The following ARHGAP18 variants were observed in gnomAD, a reference collection of about 807,000 sequenced individuals.
ARHGAP18 encodes the protein Rho GTPase activating protein 18.
In ARHGAP18, 67 loss-of-function variants were observed where a neutral mutation model predicts 86.2. The ratio of observed to expected loss-of-function variants is 0.78; its 90% confidence interval spans 0.64 to 0.95. ARHGAP18 has a LOEUF of 0.95. Ranked by LOEUF, ARHGAP18 falls within the 40% of genes least tolerant of loss-of-function variation. ARHGAP18 has a pLI of 0.00. For synonymous variants in ARHGAP18, 283 were observed against 280.4 expected, an observed-to-expected ratio of 1.01 and a Z score of -0.09; for missense variants, 691 against 780.4, an observed-to-expected ratio of 0.89 and a Z score of 1.37.
chr6:129,600,989 G>C, intron 10 of ARHGAP18, 141 bp from the exon 11 acceptor site: 1 of 706,270 alleles, frequency 1.4e-6, no homozygotes, highest in Non-Finnish European at 2.3e-6. Flanking sequence ...AGCAGGCCCT[G>C]TTACCAAAGC....
intron 2 of ARHGAP18, 62 bp downstream of exon 2, chr6:129,641,754 A>G (rs1773468825): frequency 3.5e-6 from 5 of 1,415,822 alleles, no homozygotes; most frequent in Non-Finnish European, 4.9e-6. Flanking sequence ...CTTCCTTTCT[A>G]TGCATTCATT....
chr6:129,627,910 C>T (rs59081459), intron 5 of ARHGAP18, among the ~76,000 whole-genome samples: 1,709 of 151,888 alleles, frequency 0.011, 20 homozygotes, highest in East Asian at 0.043. Context: ...TTTTAAAATC[C>T]CCTCTTTGTC....
intron 10 of ARHGAP18, among the ~76,000 whole-genome samples, chr6:129,601,538 GAA>G (rs1014635612): frequency 6.9e-6 from 1 of 145,376 alleles, no homozygotes; most frequent in Non-Finnish European, 1.5e-5. Context: ...AAAGAGAGAA[GAA>G]AAGAGAAAAG....
chr6:129,670,884 G>C (rs577602799), intron 1 of ARHGAP18, among the ~76,000 whole-genome samples: 4 of 152,082 alleles, frequency 2.6e-5, no homozygotes, highest in Non-Finnish European at 5.9e-5. Flanking sequence ...CCTTCCTGGA[G>C]TCCCAAGAAG....
intron 13 of ARHGAP18, 108 bp from the exon 14 acceptor site, chr6:129,580,239 G>A (rs1214950913): frequency 3.3e-6 from 3 of 911,282 alleles, no homozygotes; most frequent in Non-Finnish European, 5.3e-6. Context: ...TCATAACTTA[G>A]ACACACTGTA....
chr6:129,673,332 C>T (rs1429953459), intron 1 of ARHGAP18, among the ~76,000 whole-genome samples: 1 of 149,836 alleles, frequency 6.7e-6, no homozygotes, highest in African/African-American at 2.5e-5. Flanking sequence ...CAGCTTGCTT[C>T]CCAGGACAAA....
intron 5 of ARHGAP18, among the ~76,000 whole-genome samples, chr6:129,626,593 A>AC (rs1029949223): frequency 5.1e-4 from 78 of 152,096 alleles, no homozygotes; most frequent in African/African-American, 1.8e-3. Context: ...ACAAAGAGTA[A>AC]CAATCCTAAG....
At chr6:129,656,270 G>C (rs1204850312) in intron 1 of ARHGAP18, among the ~76,000 whole-genome samples, 1 of 152,170 alleles carries the variant, frequency 6.6e-6, no homozygotes, top group Non-Finnish European at 1.5e-5. Flanking sequence ...ATATGAGTGG[G>C]ACAAACAACA....
rs577120270 is a variant in ARHGAP18 at position 129,629,594 on chromosome 6, G to A, written c.617-72C>T. 5.4e-5 allele frequency: 80 copies of A among 1,473,004 alleles called. 1 individual carries two copies. In the Middle Eastern group the frequency reaches 2.2e-3, roughly 41 times the overall value. 91.2% of individuals were successfully genotyped at this position (1,473,004 alleles called of 1,614,324 possible). A position where few individuals can be genotyped will look rare whatever the true frequency, so the allele number is the denominator to read the frequency against. The stretch of plus-strand genomic sequence containing the variant: ...TTTTAAAAAAAATTCTAATGCATTC[G>A]CTACATAAAAACATTTGGGAAGAGT... On this transcript the variant is annotated intron_variant, in intron 4 of 14. Transcript: ENST00000368149.
rs1338789921 is a variant in ARHGAP18, at chr6:129,625,732, TTATTATATATTTATA to T, written c.786+3606_786+3620del. On this transcript the variant is annotated intron_variant, in intron 5 of 14. Transcript: ENST00000368149. ...TTATATATTTATATATTATATATATTTATTATATATTTATATATTATATATTTATATATTATATAT... is the reference window on the plus strand; with the variant it reads ...TTATATATTTATATATTATATATATTTATTATATATTTATATATTATATAT... 1.6e-3 allele frequency among the ~76,000 whole-genome samples: 42 copies of T among 26,566 alleles called. 1 individual carries two copies. The East Asian group carries it at 0.029, about 19-fold the overall frequency. The allele number at this position is 26,566 out of a possible 152,430, so 17.4% of individuals were successfully genotyped here. A position where few individuals can be genotyped will look rare whatever the true frequency, so the allele number is the denominator to read the frequency against.
In ARHGAP18 at chr6:129,583,434, A is replaced by T. The variant is rs867852260; in HGVS notation, c.1838+554T>A. Among the ~76,000 whole-genome samples the T allele has an allele frequency of 2.1e-4, 32 of 152,196 alleles. No homozygotes were observed. In the Middle Eastern group the frequency reaches 0.014, roughly 65 times the overall value. On this transcript the variant is annotated intron_variant, in intron 13 of 14. Transcript: ENST00000368149. ...GACTCTCCCTGCCCCATCAACCCCA[A>T]AATATAGATGAAGGACCTGTTGTCC...
intron 1 of ARHGAP18, among the ~76,000 whole-genome samples, chr6:129,667,107 A>AT (rs1214936739): frequency 5.3e-5 from 8 of 151,878 alleles, no homozygotes; most frequent in African/African-American, 9.7e-5. Flanking sequence ...TTATAAACTC[A>AT]TTTTTTTTAA....
At chr6:129,583,084 C>T (rs750958436) in intron 13 of ARHGAP18, among the ~76,000 whole-genome samples, 5 of 152,154 alleles carry the variant, frequency 3.3e-5, no homozygotes, top group South Asian at 2.1e-4. Flanking sequence ...AGGCCTTGTG[C>T]TTTAGCAGAA....
chr6:129,680,332 G>A (rs1774304202), intron 1 of ARHGAP18, among the ~76,000 whole-genome samples: 1 of 152,172 alleles, frequency 6.6e-6, no homozygotes, highest in Non-Finnish European at 1.5e-5. Context: ...GAGTTTTTCT[G>A]CTTCTGAATA....
chr6:129,709,752 C>A (rs776828664), intron 1 of ARHGAP18, among the ~76,000 whole-genome samples: 1 of 152,238 alleles, frequency 6.6e-6, no homozygotes, highest in Non-Finnish European at 1.5e-5. Context: ...TGTGCAAATG[C>A]ACCTGCTAAA....
At chr6:129,585,567 G>C (rs1788380967) in intron 12 of ARHGAP18, among the ~76,000 whole-genome samples, 1 of 152,152 alleles carries the variant, frequency 6.6e-6, no homozygotes, top group Admixed American at 6.5e-5. Context: ...GACCTGCAAA[G>C]GTATCACAAA....
At chr6:129,579,527 T>C (rs1328628708) in intron 14 of ARHGAP18, among the ~76,000 whole-genome samples, 1 of 152,160 alleles carries the variant, frequency 6.6e-6, no homozygotes, top group African/African-American at 2.4e-5. Flanking sequence ...TAAAAAGAGA[T>C]GGTTAAGACT....
At chr6:129,600,347 A>T (rs1472310646) in intron 11 of ARHGAP18, among the ~76,000 whole-genome samples, 1 of 152,158 alleles carries the variant, frequency 6.6e-6, no homozygotes, top group Non-Finnish European at 1.5e-5. Flanking sequence ...TAAAGGGTCT[A>T]TGAAAAAGAA....
chr6:129,669,192 G>A (rs539230529), intron 1 of ARHGAP18, among the ~76,000 whole-genome samples: 1 of 150,006 alleles, frequency 6.7e-6, no homozygotes, highest in Non-Finnish European at 1.5e-5. Context: ...TTTTTCTTGA[G>A]ACGGAGTCTC....
Sources: gnomAD v4.1 joint callset for allele counts (sites outside exome capture counted in the v4.1 genomes callset) on GRCh38, gnomAD v4.1.1 for gene constraint, MANE v1.5 for transcripts, NCBI Gene and HGNC (gene_info 2026-07-23, HGNC 2026-07-21) for gene names.